The following SLC29A3 variants were observed in gnomAD, a reference collection of about 807,000 sequenced individuals.
SLC29A3 encodes the protein solute carrier family 29 member 3.
In SLC29A3, 18 loss-of-function variants were observed where a neutral mutation model predicts 25.4. The observed-to-expected ratio is 0.71, with a 90% CI of 0.49 to 1.05. The LOEUF is 1.05. Ranked by LOEUF, SLC29A3 falls within the 50% of genes least tolerant of loss-of-function variation. The probability of loss-of-function intolerance (pLI) is 0.00; values close to 1 mark genes in which losing one functional copy is unlikely to be tolerated. For synonymous variants in SLC29A3, 258 were observed against 267.1 expected (o/e 0.97, Z 0.33); for missense variants, 586 against 609.0 (o/e 0.96, Z 0.40).
intron 5 of SLC29A3, among the ~76,000 whole-genome samples, chr10:71,358,777 C>T (rs1846980290): frequency 1.3e-5 from 2 of 152,200 alleles, no homozygotes; most frequent in South Asian, 4.1e-4. Context: ...AAAACCAGGA[C>T]AATTTCAGGC....
rs180990378 is a variant in SLC29A3 at position 71,371,961 on chromosome 10, T to G, written c.*95-3734T>G. 2.6e-5 allele frequency among the ~76,000 whole-genome samples: 4 copies of G among 152,300 alleles called. No homozygotes were observed. In the East Asian group the frequency reaches 7.7e-4, roughly 29 times the overall value. ...CAGCAGGTCCTGCTGTTTCATGAAA[T>G]CATTGCAAAGAGGAAGTCTGCACAC... is the stretch of plus-strand genomic sequence containing the variant. On this transcript the variant is annotated intron_variant and NMD_transcript_variant, in intron 3 of 4. Transcript: ENST00000642772.
chr10:71,323,178 G>A, intron 2 of SLC29A3, 124 bp downstream of exon 2: 2 of 1,296,342 alleles, frequency 1.5e-6, no homozygotes, highest in South Asian at 1.3e-5. Context: ...TTTAGCTTGG[G>A]AAGAAGATGC....
chr10:71,321,273 A>G (rs1845840408), intron 1 of SLC29A3, among the ~76,000 whole-genome samples: 1 of 152,174 alleles, frequency 6.6e-6, no homozygotes, highest in African/African-American at 2.4e-5. Context: ...TTCTCCTGAA[A>G]TAGTGGATAA....
intron 2 of SLC29A3, 29 bp from the exon 3 acceptor site, chr10:71,344,180 G>A (rs747847432): frequency 4.2e-5 from 66 of 1,584,788 alleles, no homozygotes; most frequent in Non-Finnish European, 5.4e-5. Flanking sequence ...CTGAGTGACC[G>A]CAGCACCTCC....
chr10:71,340,360 C>G (rs1336725287), intron 2 of SLC29A3, among the ~76,000 whole-genome samples: 1 of 152,196 alleles, frequency 6.6e-6, no homozygotes, highest in Non-Finnish European at 1.5e-5. Context: ...GTCTGGTGCC[C>G]CTGGAGTTGT....
intron 2 of SLC29A3, among the ~76,000 whole-genome samples, chr10:71,331,944 C>T (rs1278626488): frequency 1.3e-5 from 2 of 152,104 alleles, no homozygotes; most frequent in East Asian, 3.9e-4. Flanking sequence ...CTGGGTGAGG[C>T]CTGGGCACTG....
chr10:71,320,561 G>A (rs995190619), intron 1 of SLC29A3, among the ~76,000 whole-genome samples: 1 of 152,176 alleles, frequency 6.6e-6, no homozygotes, highest in Non-Finnish European at 1.5e-5. Flanking sequence ...TGTGGAAAAA[G>A]CGATTTTCCA....
intron 3 of SLC29A3, among the ~76,000 whole-genome samples, chr10:71,347,969 C>T (rs192252455): frequency 9.8e-5 from 15 of 152,318 alleles, no homozygotes; most frequent in Admixed American, 9.8e-4. Context: ...TTTTTCCTGG[C>T]CGTGTCTGTG....
At chr10:71,373,183 C>T (rs897931454) in intron 3 of SLC29A3, among the ~76,000 whole-genome samples, 3 of 152,176 alleles carry the variant, frequency 2.0e-5, no homozygotes, top group African/African-American at 7.2e-5. Flanking sequence ...CATTACCAAC[C>T]AGCAACACTT....
chr10:71,377,772 A>G (rs988670266), intron 4 of SLC29A3, among the ~76,000 whole-genome samples: 3 of 152,244 alleles, frequency 2.0e-5, no homozygotes, highest in African/African-American at 7.2e-5. Context: ...TAATGATAAA[A>G]AAGATACTCA....
intron 3 of SLC29A3, among the ~76,000 whole-genome samples, chr10:71,370,310 G>A (rs1297068273): frequency 1.3e-5 from 2 of 152,168 alleles, no homozygotes; most frequent in African/African-American, 4.8e-5. Flanking sequence ...GGATAACCAT[G>A]CCTTCTGTTC....
At chr10:71,331,898 C>T (rs1054159066) in intron 2 of SLC29A3, among the ~76,000 whole-genome samples, 16 of 152,144 alleles carry the variant, frequency 1.1e-4, no homozygotes, top group Non-Finnish European at 1.8e-4. Context: ...GCCAAATACC[C>T]GGATTCCTAG....
chr10:71,368,537 A>G (rs1158664867), intron 3 of SLC29A3, among the ~76,000 whole-genome samples: 1 of 152,190 alleles, frequency 6.6e-6, no homozygotes, highest in Non-Finnish European at 1.5e-5. Context: ...GGCATGCCTG[A>G]CCTGGGGGCA....
rs977313585 is a variant in SLC29A3 at position 71,319,299 on chromosome 10, G to C, written c.-11G>C. The stretch of plus-strand genomic sequence containing the variant: ...GCGCCGGAGGCAGCGGCGGCGTGGC[G>C]CAGCGGCGACAGTAAGTGCGGGCCG... On this transcript the variant is annotated 5_prime_UTR_variant, in exon 1 of 6. Coordinates refer to ENST00000373189, the MANE Select transcript of SLC29A3 (RefSeq NM_018344.6). 7.8e-6 allele frequency: 5 copies of C among 643,352 alleles called. No individual in the cohort carries two copies. Among genetic ancestry groups the C allele is most frequent in the African/African-American group, 7.6e-5 (4 of 52,486 alleles). 39.9% of individuals were successfully genotyped at this position (643,352 alleles called of 1,614,324 possible). A position where few individuals can be genotyped will look rare whatever the true frequency, so the allele number is the denominator to read the frequency against.
At chr10:71,347,136 C>T (rs890047174) in intron 3 of SLC29A3, among the ~76,000 whole-genome samples, 1 of 152,106 alleles carries the variant, frequency 6.6e-6, no homozygotes, top group African/African-American at 2.4e-5. Flanking sequence ...ATTTAATGTG[C>T]GAGATTGAAA....
At chr10:71,329,288 G>A (rs549773003) in intron 2 of SLC29A3, among the ~76,000 whole-genome samples, 17 of 151,984 alleles carry the variant, frequency 1.1e-4, no homozygotes, top group Non-Finnish European at 2.1e-4. Flanking sequence ...GCTGCACATC[G>A]GGATCACCTG....
intron 4 of SLC29A3, 118 bp from the exon 5 acceptor site, chr10:71,355,963 G>C: frequency 5.2e-6 from 6 of 1,158,732 alleles, no homozygotes; most frequent in Non-Finnish European, 7.6e-6. Flanking sequence ...GAGAGCTTTG[G>C]CATTTTTCGC....
intron 2 of SLC29A3, among the ~76,000 whole-genome samples, chr10:71,329,963 C>T (rs1449320652): frequency 1.3e-5 from 2 of 152,190 alleles, no homozygotes; most frequent in African/African-American, 4.8e-5. Context: ...TGTGGGAAGT[C>T]TAAGGAGTTG....
intron 4 of SLC29A3, among the ~76,000 whole-genome samples, chr10:71,376,996 G>C (rs1031811859): frequency 2.0e-5 from 3 of 151,860 alleles, no homozygotes; most frequent in Non-Finnish European, 4.4e-5. Flanking sequence ...GGCTGGTCTC[G>C]AACTCCTGAC....
Sources: allele counts gnomAD v4.1 joint callset (sites outside exome capture counted in the v4.1 genomes callset), GRCh38; gene constraint gnomAD v4.1.1; transcripts MANE v1.5; gene names NCBI Gene and HGNC (gene_info 2026-07-23, HGNC 2026-07-21).